Variants in MTAP observed in about 807,000 individuals in gnomAD.
MTAP encodes the protein S-methyl-5'-thioadenosine phosphorylase.
MTAP carries 33 observed loss-of-function variants against 33.6 expected under a neutral mutation model. That is an observed-to-expected ratio of 0.98 (90% confidence interval 0.74 to 1.31). MTAP has a LOEUF of 1.31. MTAP is among the 40% of genes most tolerant of loss of function. MTAP has a pLI of 0.00. For synonymous variants in MTAP, 148 were observed against 125.7 expected (o/e 1.18, Z -1.19); for missense variants, 367 against 360.0 (o/e 1.02, Z -0.16).
chr9:21,802,773 G>A lies in MTAP; in HGVS notation c.25G>A (p.Ala9Thr), dbSNP rs1394648287. 4 of 1,612,932 alleles carry A rather than the reference G, an allele frequency of 2.5e-6. No homozygotes were observed. Among genetic ancestry groups the A allele is most frequent in the Non-Finnish European group, 3.4e-6 (4 of 1,179,812 alleles). The change falls in exon 1 of 8, where the codon GCC becomes ACC. Residue 9 changes from alanine (A) to threonine (T), a missense_variant. Physicochemically the swap from Ala to Thr is moderately conservative, Grantham distance 58. Coordinates refer to ENST00000644715, the MANE Select transcript of MTAP (RefSeq NM_002451.4). ...CATGGCCTCTGGCACCACCACCACC[G>A]CCGTGAAGGTGAGATGAGCCCTCCC... MASGTTTT[A>T]VKIGIIGGTG...
At chr9:21,939,415 A>G (rs879359404), downstream of MTAP, among the ~76,000 whole-genome samples, 5 of 152,186 alleles carry the variant, frequency 3.3e-5, no homozygotes, top group Non-Finnish European at 7.4e-5. Context: ...TCCTTAAGCT[A>G]TCTATAGCTT....
Position 21,832,138 on chromosome 9 carries a change from C to T in MTAP, c.348-5770C>T, listed in dbSNP as rs78831809. Among the ~76,000 whole-genome samples, 331 of 152,290 alleles carry T rather than the reference C, an allele frequency of 2.2e-3. 1 individual carries two copies. The highest frequency in any genetic ancestry group is 3.7e-3 in the Non-Finnish European group (253 of 68,024). ...TTTCTTGGTAGAACTGGGAGAGGTT[C>T]GACTTTGCTTTTGTCACGCATTCTT... On this transcript the variant is annotated intron_variant, in intron 4 of 7. Coordinates refer to ENST00000644715, the MANE Select transcript of MTAP (RefSeq NM_002451.4).
chr9:21,809,026 A>G (rs984483985), intron 1 of MTAP: 1 of 152,128 alleles, frequency 6.6e-6, no homozygotes, highest in African/African-American at 2.4e-5. Flanking sequence ...TCTCTTGCTT[A>G]TGGGGAAAAC....
chr9:21,842,619 C>G (rs999035343), intron 5 of MTAP, among the ~76,000 whole-genome samples: 5 of 152,108 alleles, frequency 3.3e-5, no homozygotes, highest in African/African-American at 4.8e-5. Context: ...CCTCTTGAAA[C>G]AAAATTATTC....
chr9:21,811,902 GT>G, intron 1 of MTAP: 1 of 372,850 alleles, frequency 2.7e-6, no homozygotes, highest in East Asian at 6.6e-5. Flanking sequence ...ACACACAGCT[GT>G]TTTTATATCT....
At chr9:21,826,613 TTATTA>T (rs1563836270) in intron 4 of MTAP, among the ~76,000 whole-genome samples, 2 of 25,466 alleles carry the variant, frequency 7.9e-5, no homozygotes, top group East Asian at 3.8e-3. Flanking sequence ...GTTTTGTTTA[TTATTA>T]TTATTATTAT....
intron 1 of MTAP, among the ~76,000 whole-genome samples, chr9:21,807,559 A>G (rs1824239747): frequency 6.6e-6 from 1 of 152,158 alleles, no homozygotes; most frequent in Non-Finnish European, 1.5e-5. Flanking sequence ...CCTCCACAGA[A>G]ATGCCAGTAG....
chr9:21,806,550 C>T (rs1824212773), intron 1 of MTAP, among the ~76,000 whole-genome samples: 1 of 151,936 alleles, frequency 6.6e-6, no homozygotes. Flanking sequence ...AGGGAGGAAG[C>T]CACCTGGAGT....
At chr9:21,857,647 C>T (rs1825670611) in intron 6 of MTAP, among the ~76,000 whole-genome samples, 1 of 152,224 alleles carries the variant, frequency 6.6e-6, no homozygotes, top group Non-Finnish European at 1.5e-5. Flanking sequence ...CATCTAGCTT[C>T]AACCATTATA....
At chr9:21,935,765 A>C (rs1385971804), downstream of MTAP, 3 of 152,174 alleles carry the variant, frequency 2.0e-5, no homozygotes, top group Non-Finnish European at 4.4e-5. Context: ...GTCTCATCCC[A>C]CATTGGAGGA....
intron 1 of MTAP, among the ~76,000 whole-genome samples, chr9:21,916,048 G>A (rs1316508767): frequency 2.4e-5 from 3 of 125,892 alleles, no homozygotes. Flanking sequence ...GAGAGAAGGA[G>A]AGAGAGGGAG....
In MTAP at chr9:21,863,117, A is replaced by G. The variant is rs1019265486; in HGVS notation, c.*1103A>G. Reference sequence around the variant, plus strand: ...TTGCAACAGCTTTCTGAGAAAAGCTAGGTGTTTAATAGTTTAACTGAAAGT... The same window carrying G: ...TTGCAACAGCTTTCTGAGAAAAGCTGGGTGTTTAATAGTTTAACTGAAAGT... On this transcript the variant is annotated 3_prime_UTR_variant, in exon 8 of 8. Coordinates refer to ENST00000644715, the MANE Select transcript of MTAP (RefSeq NM_002451.4). The G allele has an allele frequency of 7.3e-5, 72 of 982,028 alleles. No individual in the cohort carries two copies. The African/African-American group carries it at 1.2e-3, about 17-fold the overall frequency. The allele number at this position is 982,028 out of a possible 1,614,324, so 60.8% of individuals were successfully genotyped here.
At chr9:21,833,289 C>T (rs189627159) in intron 4 of MTAP, among the ~76,000 whole-genome samples, 1 of 152,222 alleles carries the variant, frequency 6.6e-6, no homozygotes, top group African/African-American at 2.4e-5. Context: ...CTCAGGTGAT[C>T]TTGCCACCTC....
At position 21,924,252 on chromosome 9, in the gene MTAP, G is replaced by T. The variant is rs193070752; in HGVS notation, c.148-6756G>T. Among the ~76,000 whole-genome samples, 23 of 152,172 alleles carry T rather than the reference G, an allele frequency of 1.5e-4. No homozygotes were observed. The East Asian group carries it at 3.7e-3, about 24-fold the overall frequency. ...CTTTTTCCTTTTTTTCTCCTTTGTT[G>T]TATCTTCACAGATGGGTAATCACAT... is the stretch of plus-strand genomic sequence containing the variant. On this transcript the variant is annotated intron_variant, in intron 1 of 1. Transcript: ENST00000577563.
At chr9:21,901,089 G>A (rs1381640639) in intron 1 of MTAP, among the ~76,000 whole-genome samples, 2 of 152,096 alleles carry the variant, frequency 1.3e-5, no homozygotes, top group Non-Finnish European at 2.9e-5. Context: ...CCTGGGTGAT[G>A]GAATAATCTG....
chr9:21,839,420 G>C (rs1825189779), intron 5 of MTAP, among the ~76,000 whole-genome samples: 1 of 152,182 alleles, frequency 6.6e-6, no homozygotes, highest in Admixed American at 6.5e-5. Flanking sequence ...GTATGAATCT[G>C]AGGTCAGTTC....
chr9:21,815,236 CTTCAAATG>C (rs1396972621), intron 1 of MTAP, among the ~76,000 whole-genome samples, 189 bp from the exon 2 acceptor site: 1 of 152,108 alleles, frequency 6.6e-6, no homozygotes, highest in Non-Finnish European at 1.5e-5. Flanking sequence ...TATAGAAGGC[CTTCAAATG>C]TTTGTTGATT....
chr9:21,868,604 G>A (rs1016247571), downstream of MTAP, among the ~76,000 whole-genome samples: 1 of 152,046 alleles, frequency 6.6e-6, no homozygotes, highest in Non-Finnish European at 1.5e-5. Context: ...AAATATTTGT[G>A]TAAATAAAAA....
At chr9:21,910,883 C>T (rs550623886) in intron 1 of MTAP, among the ~76,000 whole-genome samples, 1 of 152,216 alleles carries the variant, frequency 6.6e-6, no homozygotes, top group South Asian at 2.1e-4. Flanking sequence ...GATTTCCTCA[C>T]CGCCTCTAAG....
Sources: gnomAD v4.1 joint callset for allele counts (sites outside exome capture counted in the v4.1 genomes callset) on GRCh38, gnomAD v4.1.1 for gene constraint, MANE v1.5 for transcripts, NCBI Gene and HGNC (gene_info 2026-07-23, HGNC 2026-07-21) for gene names.